The following CATSPERE variants were observed in gnomAD, a reference collection of about 807,000 sequenced individuals.
CATSPERE encodes cation channel sperm-associated auxiliary subunit epsilon.
CATSPERE carries 93 observed loss-of-function variants against 114.1 expected under a neutral mutation model. The ratio of observed to expected loss-of-function variants is 0.81; its 90% CI spans 0.69 to 0.97. CATSPERE has a LOEUF of 0.97. Ranked by LOEUF, CATSPERE falls within the 50% of genes least tolerant of loss-of-function variation. CATSPERE has a pLI of 0.00. For missense variants in CATSPERE, 1,058 were observed against 1,131.6 expected, an observed-to-expected ratio of 0.93 and a Z score of 0.93; for synonymous variants, 341 against 384.1, an observed-to-expected ratio of 0.89 and a Z score of 1.31.
intron 7 of CATSPERE, among the ~76,000 whole-genome samples, chr1:244,518,161 G>C (rs539891320): frequency 6.6e-6 from 1 of 152,236 alleles, no homozygotes; most frequent in African/African-American, 2.4e-5. Flanking sequence ...ATTTCTAAGA[G>C]CGTTTTCCTT....
intron 1 of CATSPERE, 114 bp downstream of exon 1, chr1:244,461,608 C>G: frequency 2.5e-6 from 2 of 803,626 alleles, no homozygotes; most frequent in Non-Finnish European, 3.4e-6. Context: ...CCCTGGCCGA[C>G]CACTGCCTCG....
At chr1:244,541,381 A>G (rs1361035009) in intron 8 of CATSPERE, among the ~76,000 whole-genome samples, 3 of 150,012 alleles carry the variant, frequency 2.0e-5, no homozygotes, top group Admixed American at 6.6e-5. Context: ...GAAGACATTT[A>G]TGCAGCCAAA....
Position 244,518,681 on chromosome 1 carries a change from T to A in CATSPERE, c.519T>A (p.Asn173Lys). Residue 173 changes from asparagine (N) to lysine (K), a missense_variant, in exon 8 of 22, where the codon AAT (asparagine) becomes AAA (lysine). Physicochemically the swap from Asn to Lys is moderately conservative, Grantham distance 94. Transcript: ENST00000366534. ...TGAAGAGAAAAGTTTATTCTTCAAA[T>A]GAGAAAATGAGAAGGGGGTATTTAA... is the stretch of plus-strand genomic sequence containing the variant. ...TVLKRKVYSS[N>K]EKMRRGTWRI... The A allele has an allele frequency of 6.6e-7, 1 of 1,521,912 alleles. No individual in the cohort carries two copies. The highest frequency in any genetic ancestry group is 8.9e-7 in the Non-Finnish European group (1 of 1,120,290). 94.3% of individuals were successfully genotyped at this position (1,521,912 alleles called of 1,614,324 possible). A position where few individuals can be genotyped will look rare whatever the true frequency, so the allele number is the denominator to read the frequency against.
chr1:244,617,317 G>A (rs1391783397), intron 19 of CATSPERE, among the ~76,000 whole-genome samples: 1 of 152,128 alleles, frequency 6.6e-6, no homozygotes, highest in Non-Finnish European at 1.5e-5. Context: ...GTAATTGTTT[G>A]TAAATACAAC....
chr1:244,475,587 A>T (rs1181929676), intron 2 of CATSPERE, among the ~76,000 whole-genome samples: 1 of 140,926 alleles, frequency 7.1e-6, no homozygotes, highest in Non-Finnish European at 1.5e-5. Context: ...GCCAGGCTAG[A>T]GTGCAGTGGC....
chr1:244,520,014 A>G (rs1373633657), intron 8 of CATSPERE, among the ~76,000 whole-genome samples: 1 of 147,542 alleles, frequency 6.8e-6, no homozygotes, highest in Non-Finnish European at 1.5e-5. Flanking sequence ...TAGCCCTAAG[A>G]GTTCTTTATA....
chr1:244,625,812 C>A (rs376168540), intron 20 of CATSPERE, among the ~76,000 whole-genome samples: 10 of 151,600 alleles, frequency 6.6e-5, no homozygotes, highest in Admixed American at 1.3e-4. Flanking sequence ...TGGTTTCAAA[C>A]TCCTGGGCTC....
At chr1:244,493,856 A>G (rs1672643795) in intron 6 of CATSPERE, among the ~76,000 whole-genome samples, 1 of 152,244 alleles carries the variant, frequency 6.6e-6, no homozygotes, top group African/African-American at 2.4e-5. Context: ...AAAAATGCTC[A>G]TCAATCACTG....
At chr1:244,466,460 G>T (rs984584600) in intron 2 of CATSPERE, among the ~76,000 whole-genome samples, 2 of 152,076 alleles carry the variant, frequency 1.3e-5, no homozygotes, top group Non-Finnish European at 2.9e-5. Flanking sequence ...GCCCTCTAAG[G>T]CAGGCAGAAT....
At chr1:244,528,016 A>G (rs920534499) in intron 8 of CATSPERE, among the ~76,000 whole-genome samples, 4 of 152,218 alleles carry the variant, frequency 2.6e-5, no homozygotes, top group African/African-American at 9.6e-5. Context: ...CATAGGTAAC[A>G]TGTGCCATGG....
At chr1:244,479,602 G>A in intron 4 of CATSPERE, 115 bp from the exon 5 acceptor site, 1 of 482,196 alleles carries the variant, frequency 2.1e-6, no homozygotes, top group Non-Finnish European at 3.7e-6. Flanking sequence ...ACTTTATTCT[G>A]CTTCCTCTGA....
At chr1:244,609,857 A>C (rs1328575288) in intron 18 of CATSPERE, among the ~76,000 whole-genome samples, 3 of 152,204 alleles carry the variant, frequency 2.0e-5, no homozygotes, top group African/African-American at 7.2e-5. Flanking sequence ...CCTTGGCAAC[A>C]TAGCGAGGCT....
chr1:244,511,346 A>G (rs1572480042), intron 7 of CATSPERE, among the ~76,000 whole-genome samples: 1 of 152,272 alleles, frequency 6.6e-6, no homozygotes, highest in African/African-American at 2.4e-5. Context: ...ATCTTCATGT[A>G]TCTTTACAAG....
chr1:244,620,261 T>C (rs1222341342), intron 20 of CATSPERE, among the ~76,000 whole-genome samples: 1 of 152,246 alleles, frequency 6.6e-6, no homozygotes, highest in Non-Finnish European at 1.5e-5. Context: ...AAATACTTGA[T>C]CCACATTTTA....
At chr1:244,543,976 ACATGAAAGT>A (rs1425654841) in intron 8 of CATSPERE, among the ~76,000 whole-genome samples, 2 of 152,160 alleles carry the variant, frequency 1.3e-5, no homozygotes, top group Non-Finnish European at 2.9e-5. Context: ...AAAGCCTACA[ACATGAAAGT>A]CAGATACCTA....
In CATSPERE at chr1:244,640,105, C is replaced by T. The variant is rs745332823; in HGVS notation, c.*24C>T. ...AGGAAAACTGAAAGTTTGTTTATTA[C>T]AGATATATGCATATAGAGAAACAGT... On this transcript the variant is annotated 3_prime_UTR_variant, in exon 22 of 22. Coordinates refer to ENST00000366534, the MANE Select transcript of CATSPERE (RefSeq NM_001130957.2). The T allele has an allele frequency of 3.1e-5, 46 of 1,500,520 alleles. No homozygotes were observed. Among genetic ancestry groups the T allele is most frequent in the Non-Finnish European group, 4.1e-5 (45 of 1,103,326 alleles). 93.0% of individuals were successfully genotyped at this position (1,500,520 alleles called of 1,614,324 possible).
At chr1:244,506,107 T>G (rs1329387458) in intron 7 of CATSPERE, among the ~76,000 whole-genome samples, 1 of 152,234 alleles carries the variant, frequency 6.6e-6, no homozygotes, top group African/African-American at 2.4e-5. Flanking sequence ...CATACTGGCT[T>G]GTAGATAATT....
chr1:244,614,405 G>T (rs1201829539), intron 19 of CATSPERE, among the ~76,000 whole-genome samples: 1 of 152,190 alleles, frequency 6.6e-6, no homozygotes, highest in Admixed American at 6.5e-5. Context: ...TGAAGCCAAA[G>T]AATCTATGAC....
intron 20 of CATSPERE, among the ~76,000 whole-genome samples, chr1:244,618,412 T>A (rs142094721): frequency 2.6e-4 from 40 of 152,328 alleles, no homozygotes; most frequent in African/African-American, 9.6e-4. Flanking sequence ...TTCATTAGTG[T>A]CTTCACTAGG....
Sources: allele counts gnomAD v4.1 joint callset (sites outside exome capture counted in the v4.1 genomes callset), GRCh38; gene constraint gnomAD v4.1.1; transcripts MANE v1.5; gene names NCBI Gene and HGNC (gene_info 2026-07-23, HGNC 2026-07-21).